The following AGMO variants were observed in gnomAD, a reference collection of about 807,000 sequenced individuals.
AGMO encodes glyceryl-ether monooxygenase.
A neutral mutation model predicts 60.2 loss-of-function variants in AGMO; 75 were observed. The ratio of observed to expected loss-of-function variants is 1.25; its 90% CI spans 1.03 to 1.51. The LOEUF is 1.51. Among genes scored for constraint, AGMO ranks in the 40% most tolerant of loss-of-function variants. The probability of loss-of-function intolerance (pLI) is 0.00; values close to 1 mark genes in which losing one functional copy is unlikely to be tolerated. For missense variants in AGMO, 763 were observed against 525.5 expected (o/e 1.45, Z -4.42); for synonymous variants, 261 against 177.1 (o/e 1.47, Z -3.76).
chr7:15,273,418 G>C (rs1359685919), intron 12 of AGMO, among the ~76,000 whole-genome samples: 1 of 152,102 alleles, frequency 6.6e-6, no homozygotes, highest in Non-Finnish European at 1.5e-5. Context: ...TGTCAGGTTT[G>C]TCAAAGATCA....
At chr7:15,238,574 T>A (rs1213640433) in intron 12 of AGMO, among the ~76,000 whole-genome samples, 1 of 151,556 alleles carries the variant, frequency 6.6e-6, no homozygotes, top group Non-Finnish European at 1.5e-5. Context: ...AAAATAATTT[T>A]AAAAATTTTA....
intron 10 of AGMO, among the ~76,000 whole-genome samples, chr7:15,373,390 T>G (rs1361598005): frequency 6.6e-6 from 1 of 152,168 alleles, no homozygotes; most frequent in Non-Finnish European, 1.5e-5. Context: ...ACTCCAACTT[T>G]CTTTAAATAG....
At chr7:15,341,121 C>G (rs532884708) in intron 12 of AGMO, among the ~76,000 whole-genome samples, 1 of 152,266 alleles carries the variant, frequency 6.6e-6, no homozygotes, top group East Asian at 1.9e-4. Context: ...GTCCTGGAGA[C>G]ATTTTCCCCT....
intron 3 of AGMO, among the ~76,000 whole-genome samples, chr7:15,496,310 T>C (rs796920000): frequency 3.3e-4 from 51 of 152,286 alleles, no homozygotes; most frequent in African/African-American, 1.2e-3. Context: ...ATTGGCTTTG[T>C]GCATCAGGGT....
At chr7:15,249,431 T>C (rs1053716383) in intron 12 of AGMO, among the ~76,000 whole-genome samples, 2 of 152,200 alleles carry the variant, frequency 1.3e-5, no homozygotes, top group African/African-American at 2.4e-5. Context: ...TATAGATAGA[T>C]GAAAAATATT....
At chr7:15,296,027 G>A (rs1044722864) in intron 12 of AGMO, among the ~76,000 whole-genome samples, 2 of 151,968 alleles carry the variant, frequency 1.3e-5, no homozygotes, top group East Asian at 1.9e-4. Context: ...CTTCAATTAT[G>A]TTTACATATG....
intron 10 of AGMO, among the ~76,000 whole-genome samples, chr7:15,375,193 G>T (rs1195469274): frequency 6.6e-6 from 1 of 151,858 alleles, no homozygotes; most frequent in Non-Finnish European, 1.5e-5. Flanking sequence ...CTATTTTGTG[G>T]GAGCCACTCT....
chr7:15,185,061 T>G, the AGMO span, among the ~76,000 whole-genome samples: 1 of 152,190 alleles, frequency 6.6e-6, no homozygotes, highest in Non-Finnish European at 1.5e-5. Context: ...TAAAAATCTA[T>G]TCTTTCAATG....
At chr7:15,294,838 T>C (rs185356564) in intron 12 of AGMO, among the ~76,000 whole-genome samples, 135 of 151,996 alleles carry the variant, frequency 8.9e-4, no homozygotes, top group Middle Eastern at 3.4e-3. Flanking sequence ...TTTAATACAT[T>C]ATAAAGAAAA....
At chr7:15,458,199 A>G (rs1782047003) in intron 3 of AGMO, among the ~76,000 whole-genome samples, 1 of 152,198 alleles carries the variant, frequency 6.6e-6, no homozygotes, top group African/African-American at 2.4e-5. Context: ...TTCAACAGCC[A>G]GGAGTCTCCT....
At chr7:15,394,821 T>C (rs573226734) in intron 5 of AGMO, among the ~76,000 whole-genome samples, 2 of 152,318 alleles carry the variant, frequency 1.3e-5, no homozygotes, top group East Asian at 1.9e-4. Context: ...CTCTTACCTT[T>C]AGAGGCATGG....
chr7:15,349,946 C>A (rs913037404), intron 12 of AGMO, among the ~76,000 whole-genome samples: 1 of 152,120 alleles, frequency 6.6e-6, no homozygotes, highest in Non-Finnish European at 1.5e-5. Flanking sequence ...CAGGATGAGA[C>A]TTGGGTGGGG....
At chr7:15,414,844 A>C (rs561641323) in intron 5 of AGMO, among the ~76,000 whole-genome samples, 5 of 152,316 alleles carry the variant, frequency 3.3e-5, no homozygotes, top group African/African-American at 4.8e-5. Context: ...AAATACAAAC[A>C]TATGTGGTCA....
intron 12 of AGMO, among the ~76,000 whole-genome samples, chr7:15,276,143 A>G (rs1783779354): frequency 6.6e-6 from 1 of 152,036 alleles, no homozygotes; most frequent in African/African-American, 2.4e-5. Flanking sequence ...GAACTTATGT[A>G]ATGTCTTTTT....
chr7:15,153,400 TCATGAAG>T, the AGMO span, among the ~76,000 whole-genome samples: 1 of 152,182 alleles, frequency 6.6e-6, no homozygotes. Flanking sequence ...GTGTTTTTAA[TCATGAAG>T]CCTTTGCTTA....
chr7:15,487,079 C>G (rs570230418), intron 3 of AGMO, among the ~76,000 whole-genome samples: 12 of 152,290 alleles, frequency 7.9e-5, no homozygotes, highest in African/African-American at 2.2e-4. Flanking sequence ...CATTAAATTA[C>G]TTATTTTAAA....
chr7:15,388,281 G>A (rs900198176), intron 8 of AGMO, among the ~76,000 whole-genome samples: 11 of 151,996 alleles, frequency 7.2e-5, no homozygotes, highest in African/African-American at 2.7e-4. Context: ...TAAGCATGTG[G>A]GTTACTTATA....
chr7:15,545,751 G>T (rs1784762820), intron 2 of AGMO, among the ~76,000 whole-genome samples: 1 of 151,852 alleles, frequency 6.6e-6, no homozygotes, highest in South Asian at 2.1e-4. Flanking sequence ...TTCAATTTTA[G>T]AAAGTATATT....
At chr7:15,528,565 T>C (rs913955145) in intron 3 of AGMO, among the ~76,000 whole-genome samples, 3 of 152,056 alleles carry the variant, frequency 2.0e-5, no homozygotes, top group Non-Finnish European at 4.4e-5. Context: ...TGACATCCAG[T>C]TTGCAGAGAG....
Sources: allele counts gnomAD v4.1 joint callset (sites outside exome capture counted in the v4.1 genomes callset), GRCh38; gene constraint gnomAD v4.1.1; transcripts MANE v1.5; gene names NCBI Gene and HGNC (gene_info 2026-07-23, HGNC 2026-07-21).